Variants in RGSL1 observed in about 807,000 individuals in gnomAD.
RGSL1 encodes regulator of G protein signaling like 1.
RGSL1 carries 97 observed loss-of-function variants against 124.7 expected under a neutral mutation model. The observed-to-expected ratio is 0.78, with a 90% CI of 0.66 to 0.92. RGSL1 has a LOEUF of 0.92. Among genes scored for constraint, RGSL1 ranks in the 40% least tolerant of loss-of-function variants. RGSL1 has a pLI of 0.00. For synonymous variants in RGSL1, 424 were observed against 438.1 expected (o/e 0.97, Z 0.40); for missense variants, 1,233 against 1,288.4 (o/e 0.96, Z 0.66).
intron 1 of RGSL1, 40 bp downstream of exon 1, chr1:182,450,218 C>G: frequency 6.4e-7 from 1 of 1,551,232 alleles, no homozygotes; most frequent in Non-Finnish European, 8.7e-7. Context: ...CCTTGAGTCT[C>G]TCAAATAAGG....
intron 4 of RGSL1, among the ~76,000 whole-genome samples, chr1:182,468,690 C>T (rs1653556374): frequency 6.6e-6 from 1 of 151,906 alleles, no homozygotes; most frequent in African/African-American, 2.4e-5. Flanking sequence ...TGCAGCACAC[C>T]AGTATGGCAC....
Position 182,532,793 on chromosome 1 carries a change from T to G in RGSL1, c.2494+2T>G, listed in dbSNP as rs1362056772. On this transcript the variant is annotated splice_donor_variant, in intron 14 of 21. Transcript: ENST00000294854. LOFTEE classifies it high-confidence loss of function. ...AGGAAATGCAAAATAGCAAGGAAAG[T>G]AAGTCATTTCTGTATTTACCCCCAC... The G allele has an allele frequency of 6.5e-7, 1 of 1,549,848 alleles. No homozygotes were observed. Among genetic ancestry groups the G allele is most frequent in the African/African-American group, 1.4e-5 (1 of 73,052 alleles).
chr1:182,488,531 T>C (rs1655265381), intron 7 of RGSL1, 184 bp downstream of exon 7: 4 of 600,924 alleles, frequency 6.7e-6, no homozygotes, highest in Middle Eastern at 7.4e-4. Flanking sequence ...ACTCAGTGCA[T>C]AAGATGACTT....
At chr1:182,449,134 A>G (rs1187951817), upstream of RGSL1, 3 of 152,232 alleles carry the variant, frequency 2.0e-5, no homozygotes, top group South Asian at 2.1e-4. Context: ...AATAAGGTGA[A>G]TAAGGTAATT....
At chr1:182,554,498 A>G in intron 19 of RGSL1, 129 bp from the exon 20 acceptor site, 2 of 734,666 alleles carry the variant, frequency 2.7e-6, no homozygotes, top group Non-Finnish European at 4.7e-6. Context: ...CTTTACCTTC[A>G]CTTTCCAACC....
chr1:182,527,491 G>A (rs1182938226), intron 10 of RGSL1, 88 bp from the exon 11 acceptor site: 2 of 1,120,544 alleles, frequency 1.8e-6, no homozygotes, highest in Non-Finnish European at 2.5e-6. Context: ...TTATAGCCTG[G>A]TCAATGCACT....
intron 9 of RGSL1, among the ~76,000 whole-genome samples, chr1:182,512,390 A>T (rs1290884017): frequency 6.6e-6 from 1 of 151,980 alleles, no homozygotes; most frequent in Non-Finnish European, 1.5e-5. Flanking sequence ...TTCAGTCTGT[A>T]TATGTGAAAT....
rs1654040802 is a variant in RGSL1, at chr1:182,473,707, A to C, written c.596A>C (p.Lys199Thr). 1 of 1,551,704 alleles carries C rather than the reference A, an allele frequency of 6.4e-7. No individual in the cohort carries two copies. The highest frequency in any genetic ancestry group is 2.0e-5 in the Admixed American group (1 of 51,002). ...YWLPNFYTHT[K>T]MTMAKEEACH... is the part of the protein sequence containing the mutation. Reference sequence around the variant, plus strand: ...CTTCCCAACTTTTACACCCACACCAAGATGACCATGGCCAAGGAGGAAGCA... The same window carrying C: ...CTTCCCAACTTTTACACCCACACCACGATGACCATGGCCAAGGAGGAAGCA... Residue 199 changes from lysine (K) to threonine (T), a missense_variant, in exon 6 of 22, where the codon AAG becomes ACG. Lys to Thr is a moderately conservative substitution (Grantham distance 78). Transcript: ENST00000294854.
At chr1:182,448,929 A>G (rs1651633241), upstream of RGSL1, among the ~76,000 whole-genome samples, 1 of 152,156 alleles carries the variant, frequency 6.6e-6, no homozygotes, top group Non-Finnish European at 1.5e-5. Context: ...TTGATTGAAA[A>G]CAGTCTGAAA....
At chr1:182,481,996 A>G (rs1654743104) in intron 6 of RGSL1, among the ~76,000 whole-genome samples, 1 of 152,142 alleles carries the variant, frequency 6.6e-6, no homozygotes, top group South Asian at 2.1e-4. Flanking sequence ...AAAAAATACT[A>G]GCAAACCAAA....
intron 6 of RGSL1, among the ~76,000 whole-genome samples, chr1:182,485,894 T>A (rs534325258): frequency 6.6e-6 from 1 of 152,242 alleles, no homozygotes; most frequent in African/African-American, 2.4e-5. Flanking sequence ...ATAAATAAAG[T>A]TTTATTGCAA....
At chr1:182,472,730 T>C (rs1260625463) in intron 5 of RGSL1, 173 bp downstream of exon 5, 2 of 613,350 alleles carry the variant, frequency 3.3e-6, no homozygotes, top group Admixed American at 6.8e-5. Context: ...AAAGACACAG[T>C]TGTCCTTAAG....
chr1:182,525,033 C>A (rs1464299760), intron 10 of RGSL1, among the ~76,000 whole-genome samples: 2 of 152,078 alleles, frequency 1.3e-5, no homozygotes, highest in African/African-American at 4.8e-5. Flanking sequence ...TGAGCAGACA[C>A]TTTAGTAGCC....
At chr1:182,501,301 T>C (rs1656349765) in intron 9 of RGSL1, among the ~76,000 whole-genome samples, 1 of 129,112 alleles carries the variant, frequency 7.7e-6, no homozygotes, top group African/African-American at 2.9e-5. Context: ...TTTTCTTTTT[T>C]CTTTTCTTTT....
At chr1:182,465,470 G>T (rs142298733) in intron 4 of RGSL1, among the ~76,000 whole-genome samples, 3 of 132,172 alleles carry the variant, frequency 2.3e-5, no homozygotes, top group Non-Finnish European at 3.2e-5. Flanking sequence ...TCATGGGGTG[G>T]GGGGAGGGGC....
chr1:182,535,352 T>C (rs1571680328), intron 14 of RGSL1, among the ~76,000 whole-genome samples: 3 of 152,184 alleles, frequency 2.0e-5, no homozygotes, highest in Non-Finnish European at 2.9e-5. Context: ...ATCTTACTGA[T>C]TTTCTTAAGC....
chr1:182,458,505 T>C, intron 3 of RGSL1, 112 bp downstream of exon 3: 1 of 891,132 alleles, frequency 1.1e-6, no homozygotes, highest in Non-Finnish European at 1.8e-6. Context: ...GGTCTCATTC[T>C]GTCACCCAGG....
intron 18 of RGSL1, 79 bp from the exon 19 acceptor site, chr1:182,553,376 T>C (rs1480247916): frequency 8.5e-6 from 9 of 1,054,090 alleles, no homozygotes; most frequent in Non-Finnish European, 1.3e-5. Flanking sequence ...AAACAAGAGC[T>C]TTATTGCTTA....
At chr1:182,511,219 G>T (rs1657426804) in intron 9 of RGSL1, among the ~76,000 whole-genome samples, 1 of 152,176 alleles carries the variant, frequency 6.6e-6, no homozygotes. Flanking sequence ...AGGCTGGAGT[G>T]CAATGGCATG....
Sources: allele counts gnomAD v4.1 joint callset (sites outside exome capture counted in the v4.1 genomes callset), GRCh38; gene constraint gnomAD v4.1.1; transcripts MANE v1.5; gene names NCBI Gene and HGNC (gene_info 2026-07-23, HGNC 2026-07-21).